Variants in PRKN observed in about 807,000 individuals in gnomAD.
PRKN encodes the protein E3 ubiquitin-protein ligase parkin.
A neutral mutation model predicts 59.5 loss-of-function variants in PRKN; 56 were observed. The observed-to-expected ratio is 0.94, with a 90% confidence interval of 0.76 to 1.18. PRKN has a LOEUF of 1.18. PRKN is among the 50% of genes most tolerant of loss of function. The probability of loss-of-function intolerance (pLI) is 0.00; values close to 1 mark genes in which losing one functional copy is unlikely to be tolerated. For missense variants in PRKN, 657 were observed against 596.4 expected, an observed-to-expected ratio of 1.10 and a Z score of -1.06; for synonymous variants, 250 against 222.1, an observed-to-expected ratio of 1.13 and a Z score of -1.12.
intron 4 of PRKN, among the ~76,000 whole-genome samples, chr6:162,186,684 T>G (rs891112054): frequency 3.3e-5 from 5 of 152,190 alleles, no homozygotes; most frequent in Non-Finnish European, 7.3e-5. Flanking sequence ...ATGAGTGGCT[T>G]AGCGCCATCC....
At chr6:162,263,887 C>G (rs561421906) in intron 2 of PRKN, among the ~76,000 whole-genome samples, 1 of 150,396 alleles carries the variant, frequency 6.6e-6, no homozygotes, top group East Asian at 2.0e-4. Context: ...GCCACCCCCA[C>G]CCCCCCAACC....
intron 4 of PRKN, among the ~76,000 whole-genome samples, chr6:162,107,436 G>T (rs1459763349): frequency 2.0e-5 from 3 of 152,224 alleles, no homozygotes; most frequent in East Asian, 1.9e-4. Flanking sequence ...CTGTACTCCA[G>T]CCTGGGCGAC....
intron 7 of PRKN, among the ~76,000 whole-genome samples, chr6:161,684,089 A>C (rs1360142975): frequency 2.6e-5 from 4 of 152,202 alleles, no homozygotes; most frequent in Admixed American, 2.6e-4. Context: ...AAATAATTAA[A>C]ATGTTTCTCA....
chr6:162,059,388 A>G (rs1208545503), intron 4 of PRKN, among the ~76,000 whole-genome samples: 1 of 152,260 alleles, frequency 6.6e-6, no homozygotes, highest in Admixed American at 6.5e-5. Flanking sequence ...CTATCCTGAA[A>G]GCAGAAACAA....
intron 1 of PRKN, among the ~76,000 whole-genome samples, chr6:162,557,198 T>C (rs527358331): frequency 2.6e-5 from 4 of 152,324 alleles, no homozygotes; most frequent in Admixed American, 1.3e-4. Flanking sequence ...TTCAAATTCA[T>C]AATAAATGCT....
intron 7 of PRKN, among the ~76,000 whole-genome samples, chr6:161,784,579 C>A (rs985367910): frequency 1.3e-5 from 2 of 152,146 alleles, no homozygotes; most frequent in Admixed American, 6.5e-5. Flanking sequence ...CAATAAGACA[C>A]CACTTCACAC....
intron 7 of PRKN, among the ~76,000 whole-genome samples, chr6:161,570,699 T>C (rs564530840): frequency 6.6e-6 from 1 of 152,302 alleles, no homozygotes; most frequent in Non-Finnish European, 1.5e-5. Flanking sequence ...TCATAGACTA[T>C]TGATGTTATA....
chr6:162,456,834 T>G (rs1321629208), intron 1 of PRKN, among the ~76,000 whole-genome samples: 1 of 152,208 alleles, frequency 6.6e-6, no homozygotes. Context: ...AACTAATGCC[T>G]TAACTAGGTT....
At chr6:161,800,267 C>G (rs1458845645) in intron 6 of PRKN, among the ~76,000 whole-genome samples, 2 of 152,040 alleles carry the variant, frequency 1.3e-5, no homozygotes, top group African/African-American at 4.8e-5. Flanking sequence ...TTGGGGCAAT[C>G]GAGTGCTTGA....
intron 2 of PRKN, among the ~76,000 whole-genome samples, chr6:162,267,453 G>C (rs954780129): frequency 1.3e-5 from 2 of 152,140 alleles, no homozygotes; most frequent in African/African-American, 2.4e-5. Flanking sequence ...GGAAGAAAGA[G>C]ATTTTCGGTG....
intron 1 of PRKN, among the ~76,000 whole-genome samples, chr6:162,540,796 A>G (rs1173469436): frequency 5.9e-5 from 8 of 136,204 alleles, no homozygotes; most frequent in African/African-American, 1.9e-4. Flanking sequence ...GACAAGAGTG[A>G]AACTCTGGCT....
intron 1 of PRKN, among the ~76,000 whole-genome samples, chr6:162,689,495 G>C (rs1285682381): frequency 6.6e-6 from 1 of 152,192 alleles, no homozygotes; most frequent in Non-Finnish European, 1.5e-5. Context: ...ACTCTTTTGT[G>C]TGTTAACACA....
chr6:161,912,722 C>T (rs111307872), intron 6 of PRKN, among the ~76,000 whole-genome samples: 40 of 152,212 alleles, frequency 2.6e-4, no homozygotes, highest in African/African-American at 9.4e-4. Flanking sequence ...CAGCCATCCT[C>T]ACCTCCTAGC....
At chr6:161,658,627 G>A (rs1784441377) in intron 7 of PRKN, among the ~76,000 whole-genome samples, 3 of 152,050 alleles carry the variant, frequency 2.0e-5, no homozygotes, top group Non-Finnish European at 4.4e-5. Flanking sequence ...TTTATCAGAG[G>A]TGGAGCTTGG....
chr6:162,463,051 G>C (rs372652219), intron 1 of PRKN, among the ~76,000 whole-genome samples: 2 of 151,816 alleles, frequency 1.3e-5, no homozygotes, highest in South Asian at 4.1e-4. Flanking sequence ...CCTGGGTGAC[G>C]GAGTGAGACT....
In PRKN at chr6:161,575,624, TG is replaced by T. The variant is rs1234759109; in HGVS notation, c.872-6209del. Among the ~76,000 whole-genome samples the T allele has an allele frequency of 2.0e-5, 3 of 152,186 alleles. No individual in the cohort carries two copies. Among genetic ancestry groups the T allele is most frequent in the African/African-American group, 7.2e-5 (3 of 41,454 alleles). On this transcript the variant is annotated intron_variant, in intron 7 of 11. Transcript: ENST00000366898. The surrounding 1 kb of genome is among the most constrained non-coding windows in gnomAD (Gnocchi z 4.6). ...TCACAGGAGCAATTGTGATATCCTT[TG>T]GGTTCAATGGAAAATCGTGAGCACC... is the stretch of plus-strand genomic sequence containing the variant.
chr6:161,838,473 C>A (rs939567681), intron 6 of PRKN, among the ~76,000 whole-genome samples: 1 of 152,198 alleles, frequency 6.6e-6, no homozygotes, highest in Non-Finnish European at 1.5e-5. Context: ...GCCTCAGGTT[C>A]CAAGTCTGTA....
chr6:162,727,678 G>C lies in PRKN; in HGVS notation c.-10C>G. 1 of 1,577,928 alleles carries C rather than the reference G, an allele frequency of 6.3e-7. No homozygotes were observed. The highest frequency in any genetic ancestry group is 8.6e-7 in the Non-Finnish European group (1 of 1,163,030). On this transcript the variant is annotated 5_prime_UTR_variant, in exon 1 of 12. Transcript: ENST00000366898. ...CCCACGTACCTATCATGGTCACTGG[G>C]TAGGTGGCGGCTGCGGGCCAGGAAC... is the stretch of plus-strand genomic sequence containing the variant.
intron 9 of PRKN, among the ~76,000 whole-genome samples, chr6:161,479,972 C>T (rs1171179575): frequency 6.6e-6 from 1 of 152,208 alleles, no homozygotes; most frequent in Non-Finnish European, 1.5e-5. Context: ...CAGGTGAGAG[C>T]TTTAAGGGCC....
Sources: gnomAD v4.1 joint callset for allele counts (sites outside exome capture counted in the v4.1 genomes callset) on GRCh38, gnomAD v4.1.1 for gene constraint, Gnocchi (gnomAD v3.1) non-coding constraint, MANE v1.5 for transcripts, NCBI Gene and HGNC (gene_info 2026-07-23, HGNC 2026-07-21) for gene names.